Variants in COL25A1 observed in about 807,000 individuals in gnomAD.
COL25A1 encodes the protein collagen alpha-1(XXV) chain.
COL25A1 carries 103 observed loss-of-function variants against 128.4 expected under a neutral mutation model. That is an observed-to-expected ratio of 0.80 (90% CI 0.68 to 0.94). COL25A1 has a LOEUF of 0.94. Ranked by LOEUF, COL25A1 falls within the 40% of genes least tolerant of loss-of-function variation. The pLI is 0.00. For synonymous variants in COL25A1, 279 were observed against 277.2 expected (o/e 1.01, Z -0.06); for missense variants, 745 against 840.0 (o/e 0.89, Z 1.40).
chr4:108,956,710 T>C (rs7654353), intron 8 of COL25A1, among the ~76,000 whole-genome samples: 6,640 of 152,254 alleles, frequency 0.044, 373 homozygotes, highest in African/African-American at 0.13. Context: ...CCAGCCTCAA[T>C]ATATGTATTA....
intron 19 of COL25A1, among the ~76,000 whole-genome samples, chr4:108,880,610 G>A (rs560644700): frequency 6.6e-6 from 1 of 152,274 alleles, no homozygotes; most frequent in South Asian, 2.1e-4. Flanking sequence ...ACATGTATTA[G>A]TGCATTTAAT....
intron 3 of COL25A1, among the ~76,000 whole-genome samples, chr4:109,090,991 G>T (rs900961840): frequency 6.6e-6 from 1 of 152,114 alleles, no homozygotes; most frequent in East Asian, 1.9e-4. Context: ...GACATTAAAT[G>T]TCCTGGTTTC....
chr4:109,110,080 T>C (rs906066795), intron 3 of COL25A1, among the ~76,000 whole-genome samples: 2 of 152,166 alleles, frequency 1.3e-5, no homozygotes, highest in Non-Finnish European at 2.9e-5. Context: ...AGGTCCGGGA[T>C]TCTTTGTGTT....
At chr4:109,085,352 C>G (rs901826568) in intron 3 of COL25A1, among the ~76,000 whole-genome samples, 1 of 152,196 alleles carries the variant, frequency 6.6e-6, no homozygotes, top group Admixed American at 6.5e-5. Flanking sequence ...TATTCCTTGT[C>G]TCTCAGGTTC....
At chr4:109,150,601 A>G (rs1193400527) in intron 3 of COL25A1, among the ~76,000 whole-genome samples, 1 of 152,206 alleles carries the variant, frequency 6.6e-6, no homozygotes, top group Non-Finnish European at 1.5e-5. Flanking sequence ...TCAGCAGAAT[A>G]TAAGATAGGA....
chr4:108,821,793 T>C (rs1409636759), intron 35 of COL25A1, among the ~76,000 whole-genome samples: 2 of 152,138 alleles, frequency 1.3e-5, no homozygotes, highest in East Asian at 3.9e-4. Flanking sequence ...ACCATGTCAT[T>C]GTGGGTATGA....
intron 13 of COL25A1, among the ~76,000 whole-genome samples, chr4:108,907,865 G>A (rs34151803): frequency 0.48 from 72,496 of 151,724 alleles, 19,561 homozygotes; most frequent in East Asian, 0.93. Context: ...TAGCTGTTCA[G>A]TACACTGGTG....
At chr4:109,122,215 T>C (rs1403997779) in intron 3 of COL25A1, among the ~76,000 whole-genome samples, 1 of 152,046 alleles carries the variant, frequency 6.6e-6, no homozygotes, top group Non-Finnish European at 1.5e-5. Flanking sequence ...ACATTATACA[T>C]TTGCTCAAAC....
At position 109,070,736 on chromosome 4, in the gene COL25A1, C is replaced by A. The variant is rs1762876093; in HGVS notation, c.368-20557G>T. On this transcript the variant is annotated intron_variant, in intron 3 of 37. Transcript: ENST00000399132. ...GTGTGTGATGTTCCCCTTCCTATGT[C>A]CAAGTGTTCTCATTGTTCAATTCCC... is the stretch of plus-strand genomic sequence containing the variant. 2.2e-5 allele frequency among the ~76,000 whole-genome samples: 3 copies of A among 138,192 alleles called. No homozygotes were observed. In the Admixed American group the frequency reaches 2.5e-4, roughly 11 times the overall value. 90.7% of individuals were successfully genotyped at this position (138,192 alleles called of 152,430 possible). A position where few individuals can be genotyped will look rare whatever the true frequency, so the allele number is the denominator to read the frequency against.
chr4:109,136,033 T>C (rs1769708855), intron 3 of COL25A1, among the ~76,000 whole-genome samples: 1 of 152,194 alleles, frequency 6.6e-6, no homozygotes, highest in Admixed American at 6.5e-5. Context: ...ACTACATGCT[T>C]AGTATTGTGC....
chr4:109,218,357 G>GTTTTTTTTTTGTTTGTTTTT (rs1553961829), intron 3 of COL25A1, among the ~76,000 whole-genome samples: 1,150 of 73,066 alleles, frequency 0.016, 20 homozygotes, highest in Middle Eastern at 0.034. Flanking sequence ...GTTTTTTGGG[G>GTTTTTTTTTTGTTTGTTTTT]TTTTTTTTTT....
intron 15 of COL25A1, 95 bp downstream of exon 15, chr4:108,899,059 C>A: frequency 1.7e-6 from 2 of 1,178,108 alleles, no homozygotes; most frequent in Non-Finnish European, 2.5e-6. Context: ...ATCCATCCAC[C>A]CATCCATTCA....
At chr4:109,187,054 T>C (rs1775204172) in intron 3 of COL25A1, among the ~76,000 whole-genome samples, 1 of 152,192 alleles carries the variant, frequency 6.6e-6, no homozygotes. Context: ...TATTTTTCTA[T>C]AAAAGAAGGC....
chr4:109,294,499 G>A (rs185797974), intron 3 of COL25A1, among the ~76,000 whole-genome samples: 1 of 152,106 alleles, frequency 6.6e-6, no homozygotes, highest in Non-Finnish European at 1.5e-5. Context: ...GAGTATGTGG[G>A]CATACTACAG....
At chr4:109,040,360 G>C (rs1759766003) in intron 5 of COL25A1, among the ~76,000 whole-genome samples, 1 of 152,160 alleles carries the variant, frequency 6.6e-6, no homozygotes, top group Non-Finnish European at 1.5e-5. Context: ...TACATAGCTA[G>C]TTTGGAAGAA....
At position 108,859,673 on chromosome 4, in the gene COL25A1, G is replaced by C. The variant is rs369025098; in HGVS notation, c.1303C>G (p.Leu435Val). 4.3e-6 allele frequency: 7 copies of C among 1,613,766 alleles called. No homozygotes were observed. Among genetic ancestry groups the C allele is most frequent in the Non-Finnish European group, 5.9e-6 (7 of 1,179,860 alleles). Residue 435 changes from leucine to valine, a missense_variant, in exon 24 of 38, where the codon CTC (leucine) becomes GTC (valine). Physicochemically the swap from Leu to Val is conservative, Grantham distance 32. Around this residue, in one of 3 missense-constraint regions of COL25A1, gnomAD observed 387 missense variants for 441.9 expected, o/e 0.88. Transcript: ENST00000399132. ...TCACTTGCCTGTAAGGCTTCGTGGAGGTTGCCGTTGTAGTCTATGATCTCA... is the reference window on the plus strand; with the variant it reads ...TCACTTGCCTGTAAGGCTTCGTGGACGTTGCCGTTGTAGTCTATGATCTCA... ...ATEIIDYNGN[L>V]HEALQRITTL...
rs1579121400 is a variant in COL25A1, at chr4:109,024,386, C to A, written c.421-14011G>T. On this transcript the variant is annotated intron_variant, in intron 5 of 37. Coordinates refer to ENST00000399132, the MANE Select transcript of COL25A1 (RefSeq NM_198721.4). ...TATTTATATATTATGCTTATTTATA[C>A]TGTAGTATACAAAATACAGATTATA... is the stretch of plus-strand genomic sequence containing the variant. 2.6e-5 allele frequency among the ~76,000 whole-genome samples: 4 copies of A among 151,806 alleles called. No individual in the cohort carries two copies. The East Asian group carries it at 7.7e-4, about 29-fold the overall frequency.
intron 3 of COL25A1, among the ~76,000 whole-genome samples, chr4:109,101,625 T>G (rs1312135354): frequency 1.3e-5 from 2 of 152,172 alleles, no homozygotes; most frequent in African/African-American, 4.8e-5. Flanking sequence ...TATTCACCAA[T>G]TCCTTTTCTC....
chr4:108,901,104 T>C lies in COL25A1; in HGVS notation c.834+15A>G. ...CGTGTGTCAAATGATTCTGCTTGGC[T>C]TTATTTGTACTAACCTTAGGTCCTG... On this transcript the variant is annotated intron_variant, in intron 14 of 37. Coordinates refer to ENST00000399132, the MANE Select transcript of COL25A1 (RefSeq NM_198721.4). The C allele has an allele frequency of 6.2e-7, 1 of 1,600,144 alleles. No individual in the cohort carries two copies. The highest frequency in any genetic ancestry group is 1.1e-5 in the South Asian group (1 of 90,174).
Sources: gnomAD v4.1 joint callset for allele counts (sites outside exome capture counted in the v4.1 genomes callset) on GRCh38, gnomAD v4.1.1 for gene constraint, gnomAD v4.1.1 regional missense constraint, MANE v1.5 for transcripts, NCBI Gene and HGNC (gene_info 2026-07-23, HGNC 2026-07-21) for gene names.